The following CAST variants were observed in gnomAD, a reference collection of about 807,000 sequenced individuals.
CAST encodes calpastatin, also known as MIR583 host.
Under a neutral mutation model 119.6 loss-of-function variants are expected in CAST, and 76 were observed. The ratio of observed to expected loss-of-function variants is 0.64; its 90% CI spans 0.53 to 0.77. The LOEUF (loss-of-function observed/expected upper bound fraction) is 0.77, where lower values mean the gene tolerates loss of function less well. CAST is among the 30% of genes least tolerant of loss of function. The probability of loss-of-function intolerance (pLI) is 0.00; values close to 1 mark genes in which losing one functional copy is unlikely to be tolerated. For synonymous variants in CAST, 319 were observed against 331.6 expected (o/e 0.96, Z 0.41); for missense variants, 953 against 946.5 (o/e 1.01, Z -0.09).
chr5:96,376,967 C>T, the CAST span, among the ~76,000 whole-genome samples: 45 of 151,832 alleles, frequency 3.0e-4, no homozygotes, highest in Non-Finnish European at 5.6e-4. Context: ...TCTGTGTAGG[C>T]CTAGGCTGTG....
the CAST span, among the ~76,000 whole-genome samples, chr5:96,175,194 G>A: frequency 6.6e-6 from 1 of 152,178 alleles, no homozygotes; most frequent in Non-Finnish European, 1.5e-5. Context: ...TGAAGTCAGT[G>A]TACTACACTA....
chr5:96,574,592 AGTCTAAGAACTCTTT>A (rs1302002662), intron 1 of CAST, among the ~76,000 whole-genome samples: 12 of 152,112 alleles, frequency 7.9e-5, no homozygotes, highest in African/African-American at 2.9e-4. Flanking sequence ...TCATGCATGG[AGTCTAAGAACTCTTT>A]GCCTAGCCCT....
At chr5:96,720,455 G>A (rs1758029648) in intron 3 of CAST, among the ~76,000 whole-genome samples, 1 of 152,216 alleles carries the variant, frequency 6.6e-6, no homozygotes, top group Non-Finnish European at 1.5e-5. Flanking sequence ...ACAAGCTGTA[G>A]CCAGAATCGA....
the CAST span, among the ~76,000 whole-genome samples, chr5:96,283,677 C>T: frequency 6.6e-6 from 1 of 152,228 alleles, no homozygotes; most frequent in African/African-American, 2.4e-5. Flanking sequence ...GCCCTGTCCT[C>T]GGACACTTAG....
chr5:96,734,951 A>G (rs1294062120), intron 9 of CAST, among the ~76,000 whole-genome samples: 2 of 152,022 alleles, frequency 1.3e-5, no homozygotes, highest in Admixed American at 1.3e-4. Flanking sequence ...TGGAATAGAA[A>G]GATAGTGGGG....
chr5:96,667,784 G>A (rs1749530884), intron 1 of CAST, among the ~76,000 whole-genome samples: 1 of 152,188 alleles, frequency 6.6e-6, no homozygotes, highest in Non-Finnish European at 1.5e-5. Context: ...GGAGGCTGAG[G>A]CGGATGGATC....
At chr5:96,398,956 A>C in the CAST span, 1 of 1,612,234 alleles carries the variant, frequency 6.2e-7, no homozygotes, top group Non-Finnish European at 8.5e-7. Context: ...TACATGCTCC[A>C]GGGACTTGAT....
chr5:96,413,921 C>T, the CAST span, among the ~76,000 whole-genome samples: 1 of 139,366 alleles, frequency 7.2e-6, no homozygotes, highest in Non-Finnish European at 1.5e-5. Flanking sequence ...AGATCGAGAC[C>T]ATCCTGGCTA....
At chr5:96,109,469 G>A in the CAST span, among the ~76,000 whole-genome samples, 1 of 152,150 alleles carries the variant, frequency 6.6e-6, no homozygotes, top group Non-Finnish European at 1.5e-5. Context: ...TGTTGATGAG[G>A]CTTTGAGACT....
At chr5:96,449,773 GCCT>G in the CAST span, among the ~76,000 whole-genome samples, 119,375 of 151,806 alleles carry the variant, frequency 0.79, 47,900 homozygotes, top group African/African-American at 0.93. Flanking sequence ...CAGCCTGCTG[GCCT>G]CCTGGACTGT....
At chr5:96,464,554 T>C in the CAST span, among the ~76,000 whole-genome samples, 1 of 152,098 alleles carries the variant, frequency 6.6e-6, no homozygotes, top group Non-Finnish European at 1.5e-5. Flanking sequence ...AAAATACCAC[T>C]GAGTAAATTG....
At position 96,675,605 on chromosome 5, in the gene CAST, A is replaced by G. The variant is rs1561461281; in HGVS notation, c.138+4A>G. Reference sequence around the variant, plus strand: ...AGAAAAGAAAGGATCAGATGAGGTAATTTCCACAATACTGGGCTTTCATTT... The same window carrying G: ...AGAAAAGAAAGGATCAGATGAGGTAGTTTCCACAATACTGGGCTTTCATTT... On this transcript the variant is annotated splice_donor_region_variant and intron_variant, in intron 2 of 31. Transcript: ENST00000675179. 1 of 1,603,224 alleles carries G rather than the reference A, an allele frequency of 6.2e-7. No homozygotes were observed. The highest frequency in any genetic ancestry group is 2.2e-5 in the East Asian group (1 of 44,802).
intron 1 of CAST, among the ~76,000 whole-genome samples, chr5:96,536,698 A>G (rs896340913): frequency 1.3e-5 from 2 of 152,206 alleles, no homozygotes; most frequent in African/African-American, 4.8e-5. Flanking sequence ...GAGCTGTCCT[A>G]TTAAATCTGT....
chr5:96,474,055 G>T, the CAST span, among the ~76,000 whole-genome samples: 2 of 152,140 alleles, frequency 1.3e-5, no homozygotes, highest in Non-Finnish European at 2.9e-5. Flanking sequence ...AGATGAAGCA[G>T]GGGAGGAAAG....
At chr5:96,367,764 G>C in the CAST span, among the ~76,000 whole-genome samples, 6 of 152,032 alleles carry the variant, frequency 3.9e-5, no homozygotes, top group Admixed American at 1.3e-4. Context: ...CTCACCCCTT[G>C]TGCTTCCCGG....
rs1346927397 is a variant in CAST, at chr5:96,718,913, A to C, written c.211-3726A>C. 2.0e-5 allele frequency among the ~76,000 whole-genome samples: 3 copies of C among 152,262 alleles called. No individual in the cohort carries two copies. In the South Asian group the frequency reaches 6.2e-4, roughly 32 times the overall value. On this transcript the variant is annotated intron_variant, in intron 3 of 31. Coordinates refer to ENST00000675179, the MANE Select transcript of CAST (RefSeq NM_001750.7). Reference sequence around the variant, plus strand: ...GCATCCGATGCCCCACTCTGTGCCAAGTTCCGAGCCAAGCCAGCTGCGGTC... The same window carrying C: ...GCATCCGATGCCCCACTCTGTGCCACGTTCCGAGCCAAGCCAGCTGCGGTC...
chr5:96,580,882 A>G (rs185514359), intron 1 of CAST, among the ~76,000 whole-genome samples: 509 of 152,352 alleles, frequency 3.3e-3, no homozygotes, highest in Non-Finnish European at 5.3e-3. Context: ...ATGAAGATGG[A>G]GCCCTCAGGA....
At chr5:96,404,841 T>C in the CAST span, among the ~76,000 whole-genome samples, 286 of 152,350 alleles carry the variant, frequency 1.9e-3, 2 homozygotes, top group African/African-American at 6.7e-3. Flanking sequence ...ATAATTTCTA[T>C]GTCATAAGAA....
chr5:96,576,845 T>C (rs1746681245), intron 1 of CAST, among the ~76,000 whole-genome samples: 1 of 151,840 alleles, frequency 6.6e-6, no homozygotes, highest in Non-Finnish European at 1.5e-5. Context: ...ATTTTTTAAG[T>C]TCCAAGGTAC....
Sources: gnomAD v4.1 joint callset for allele counts (sites outside exome capture counted in the v4.1 genomes callset) on GRCh38, gnomAD v4.1.1 for gene constraint, MANE v1.5 for transcripts, NCBI Gene and HGNC (gene_info 2026-07-23, HGNC 2026-07-21) for gene names.